The following ARHGAP42 variants were observed in gnomAD, a reference collection of about 807,000 sequenced individuals.
ARHGAP42 encodes the protein rho GTPase-activating protein 42.
A neutral mutation model predicts 125.0 loss-of-function variants in ARHGAP42; 63 were observed. The observed-to-expected ratio is 0.50, with a 90% confidence interval of 0.41 to 0.62. The LOEUF (loss-of-function observed/expected upper bound fraction) is 0.62. ARHGAP42 is among the 20% of genes least tolerant of loss of function. The pLI is 0.00. For missense variants in ARHGAP42, 766 were observed against 1,024.2 expected, an observed-to-expected ratio of 0.75 and a Z score of 3.44; for synonymous variants, 339 against 351.0, an observed-to-expected ratio of 0.97 and a Z score of 0.38.
chr11:100,893,169 G>GTGTGTGTGTT (rs1356623473), intron 4 of ARHGAP42, among the ~76,000 whole-genome samples: 1 of 151,662 alleles, frequency 6.6e-6, no homozygotes, highest in East Asian at 1.9e-4. Context: ...GTGTGTGTGT[G>GTGTGTGTGTT]TGTGTGTGTG....
chr11:100,769,347 A>C (rs538081196), intron 1 of ARHGAP42, among the ~76,000 whole-genome samples: 15 of 152,274 alleles, frequency 9.9e-5, no homozygotes, highest in Admixed American at 8.5e-4. Flanking sequence ...CTGGCTCCAG[A>C]GTCTGCATTC....
At chr11:100,865,291 A>T (rs1865543247) in intron 4 of ARHGAP42, among the ~76,000 whole-genome samples, 1 of 152,156 alleles carries the variant, frequency 6.6e-6, no homozygotes, top group Non-Finnish European at 1.5e-5. Flanking sequence ...AGTTGTCACA[A>T]TTCCTGTTTC....
At chr11:100,955,528 T>G (rs901062204) in intron 12 of ARHGAP42, among the ~76,000 whole-genome samples, 3 of 152,174 alleles carry the variant, frequency 2.0e-5, no homozygotes, top group African/African-American at 7.2e-5. Flanking sequence ...GAGAAGGTAC[T>G]TGAGCAATCC....
chr11:100,897,736 T>G (rs952379222), intron 4 of ARHGAP42, among the ~76,000 whole-genome samples: 84 of 152,216 alleles, frequency 5.5e-4, no homozygotes, highest in African/African-American at 1.9e-3. Context: ...TAAGGAGATT[T>G]GAGGCTGAGA....
intron 10 of ARHGAP42, among the ~76,000 whole-genome samples, chr11:100,946,304 G>A (rs1311973194): frequency 6.6e-6 from 1 of 152,084 alleles, no homozygotes; most frequent in Non-Finnish European, 1.5e-5. Flanking sequence ...CCCCATGTCA[G>A]TAGTAAGGTT....
At chr11:100,729,008 A>T (rs1434499295) in intron 1 of ARHGAP42, among the ~76,000 whole-genome samples, 1 of 151,810 alleles carries the variant, frequency 6.6e-6, no homozygotes, top group Non-Finnish European at 1.5e-5. Flanking sequence ...GCCTCAGGTT[A>T]TCTGCCCACC....
intron 1 of ARHGAP42, among the ~76,000 whole-genome samples, chr11:100,697,634 C>G (rs7927982): frequency 0.015 from 2,351 of 152,252 alleles, 76 homozygotes; most frequent in African/African-American, 0.053. Context: ...CAGTTTTTCT[C>G]TTTCGTATAC....
chr11:100,709,662 G>A (rs955487429), intron 1 of ARHGAP42, among the ~76,000 whole-genome samples: 2 of 152,096 alleles, frequency 1.3e-5, no homozygotes, highest in African/African-American at 2.4e-5. Flanking sequence ...TATTTTTCTC[G>A]CTTCTGCATA....
At chr11:100,850,502 A>C (rs1179234075) in intron 3 of ARHGAP42, among the ~76,000 whole-genome samples, 2 of 152,182 alleles carry the variant, frequency 1.3e-5, no homozygotes, top group African/African-American at 4.8e-5. Flanking sequence ...TAGTATATGC[A>C]GTCTTGTTGA....
intron 1 of ARHGAP42, among the ~76,000 whole-genome samples, chr11:100,759,550 A>G (rs1862655793): frequency 1.3e-5 from 2 of 152,146 alleles, no homozygotes; most frequent in Admixed American, 1.3e-4. Context: ...GAGTTATAAG[A>G]TTTAGACACA....
intron 21 of ARHGAP42, among the ~76,000 whole-genome samples, chr11:100,978,334 G>A (rs1447811992): frequency 1.3e-5 from 2 of 152,090 alleles, no homozygotes; most frequent in Non-Finnish European, 2.9e-5. Flanking sequence ...ATCTAGCTTA[G>A]AACATCAAGG....
At chr11:100,890,941 G>A (rs1252396986) in intron 4 of ARHGAP42, among the ~76,000 whole-genome samples, 5 of 152,278 alleles carry the variant, frequency 3.3e-5, no homozygotes, top group Middle Eastern at 3.4e-3. Flanking sequence ...GGCATTTCAC[G>A]CCTGTGAGGT....
At chr11:100,728,780 T>C (rs1343901171) in intron 1 of ARHGAP42, among the ~76,000 whole-genome samples, 1 of 147,582 alleles carries the variant, frequency 6.8e-6, no homozygotes, top group Non-Finnish European at 1.5e-5. Context: ...TTTTTAATTT[T>C]TTTTTTGAGA....
intron 1 of ARHGAP42, among the ~76,000 whole-genome samples, chr11:100,689,048 G>A (rs901562906): frequency 6.6e-6 from 1 of 152,178 alleles, no homozygotes; most frequent in South Asian, 2.1e-4. Context: ...TTAGCAAGAT[G>A]TCTTGAAATT....
At chr11:100,794,648 G>A (rs955764536) in intron 2 of ARHGAP42, among the ~76,000 whole-genome samples, 1 of 152,184 alleles carries the variant, frequency 6.6e-6, no homozygotes, top group Non-Finnish European at 1.5e-5. Flanking sequence ...GCTTCTAGAA[G>A]TCAGTGGAAA....
chr11:100,976,990 A>G lies in ARHGAP42; in HGVS notation c.2393+19A>G. 6.4e-7 allele frequency: 1 copy of G among 1,550,656 alleles called. No homozygotes were observed. Among genetic ancestry groups the G allele is most frequent in the Non-Finnish European group, 8.7e-7 (1 of 1,146,330 alleles). On this transcript the variant is annotated intron_variant, in intron 21 of 23. Coordinates refer to ENST00000298815, the MANE Select transcript of ARHGAP42 (RefSeq NM_152432.4). ...GCTCAGTGTAAGTGAGCGTTTGTAT[A>G]TTTGCTGTGTCTCCCAGGGATACAG... is the stretch of plus-strand genomic sequence containing the variant.
chr11:100,941,237 G>GA (rs1867876380), intron 8 of ARHGAP42, among the ~76,000 whole-genome samples: 1 of 152,160 alleles, frequency 6.6e-6, no homozygotes, highest in African/African-American at 2.4e-5. Flanking sequence ...GCACAAGGCA[G>GA]AAAGCAGTGG....
intron 1 of ARHGAP42, among the ~76,000 whole-genome samples, chr11:100,767,838 C>T (rs1426522916): frequency 1.3e-5 from 2 of 152,186 alleles, no homozygotes; most frequent in South Asian, 2.1e-4. Context: ...AATGGTTTTC[C>T]TAAGTCTCAG....
intron 1 of ARHGAP42, among the ~76,000 whole-genome samples, chr11:100,737,499 CT>C (rs1466460496): frequency 9.2e-5 from 14 of 152,176 alleles, no homozygotes; most frequent in African/African-American, 3.4e-4. Context: ...AATTCTAACT[CT>C]AGCTATCCTT....
Sources: allele counts gnomAD v4.1 joint callset (sites outside exome capture counted in the v4.1 genomes callset), GRCh38; gene constraint gnomAD v4.1.1; transcripts MANE v1.5; gene names NCBI Gene and HGNC (gene_info 2026-07-23, HGNC 2026-07-21).